TTLL11: variants seen among roughly 807,000 people sequenced by gnomAD.
TTLL11 encodes tubulin polyglutamylase TTLL11.
A neutral mutation model predicts 51.7 loss-of-function variants in TTLL11; 42 were observed. The observed-to-expected ratio is 0.81, with a 90% confidence interval of 0.64 to 1.05. The LOEUF (loss-of-function observed/expected upper bound fraction) is 1.05, where lower values mean the gene tolerates loss of function less well. Among genes scored for constraint, TTLL11 ranks in the 50% least tolerant of loss-of-function variants. The pLI, the probability that TTLL11 is intolerant of heterozygous loss-of-function variation, is 0.00. For synonymous variants in TTLL11, 381 were observed against 383.5 expected (o/e 0.99, Z 0.08); for missense variants, 799 against 940.4 (o/e 0.85, Z 1.97).
intron 6 of TTLL11, among the ~76,000 whole-genome samples, chr9:121,888,803 C>G (rs1380075475): frequency 6.6e-6 from 1 of 152,242 alleles, no homozygotes. Context: ...CACACAGTAA[C>G]AGCCGCTATG....
intron 6 of TTLL11, among the ~76,000 whole-genome samples, chr9:121,943,916 C>A (rs762834580): frequency 6.6e-6 from 1 of 152,196 alleles, no homozygotes; most frequent in Non-Finnish European, 1.5e-5. Flanking sequence ...ATGAATGATT[C>A]TATAAGACTG....
intron 6 of TTLL11, among the ~76,000 whole-genome samples, chr9:121,876,694 G>C (rs1285089608): frequency 1.3e-5 from 2 of 152,204 alleles, no homozygotes; most frequent in African/African-American, 4.8e-5. Context: ...GAACTGAGAG[G>C]GGAAGGGTGG....
intron 1 of TTLL11, among the ~76,000 whole-genome samples, chr9:122,069,221 G>A (rs1351631910): frequency 1.3e-5 from 2 of 152,288 alleles, no homozygotes; most frequent in East Asian, 3.9e-4. Flanking sequence ...AAGGGGCTGG[G>A]AATACAGAGA....
At chr9:121,879,368 C>G (rs1838688714) in intron 6 of TTLL11, among the ~76,000 whole-genome samples, 1 of 152,202 alleles carries the variant, frequency 6.6e-6, no homozygotes, top group Non-Finnish European at 1.5e-5. Flanking sequence ...GACCACCTAA[C>G]AAACCCTCCA....
At chr9:122,046,263 A>C (rs371939990) in intron 1 of TTLL11, among the ~76,000 whole-genome samples, 1 of 151,962 alleles carries the variant, frequency 6.6e-6, no homozygotes, top group African/African-American at 2.4e-5. Context: ...TGGTTGTTTA[A>C]AAGTGTGTAG....
intron 6 of TTLL11, among the ~76,000 whole-genome samples, chr9:121,887,950 C>A (rs1042233329): frequency 5.3e-5 from 8 of 152,180 alleles, no homozygotes; most frequent in African/African-American, 1.9e-4. Context: ...AGTGAGTCAG[C>A]TTCCTGGCCC....
chr9:122,093,111 C>CG lies in TTLL11; in HGVS notation c.37dup (p.Arg13ProfsTer17), dbSNP rs1846314517. 1 of 1,496,562 alleles carries CG rather than the reference C, an allele frequency of 6.7e-7. No individual in the cohort carries two copies. The highest frequency in any genetic ancestry group is 8.8e-7 in the Non-Finnish European group (1 of 1,130,230). The allele number at this position is 1,496,562 out of a possible 1,614,324, so 92.7% of individuals were successfully genotyped here. Reference sequence around the variant, plus strand: ...CGCAGCCACCGCCTCCGCCTCCCACCGGGCCGCCAGCTCGCTCTCGGAGCT... The same window carrying CG: ...CGCAGCCACCGCCTCCGCCTCCCACCGGGGCCGCCAGCTCGCTCTCGGAGCT... On this transcript the variant is annotated frameshift_variant, in exon 1 of 9. Transcript: ENST00000321582. LOFTEE classifies it high-confidence loss of function.
At chr9:121,992,649 G>A (rs1843148332) in intron 3 of TTLL11, among the ~76,000 whole-genome samples, 1 of 152,224 alleles carries the variant, frequency 6.6e-6, no homozygotes. Context: ...ACAACTGATG[G>A]TATCTCTAGT....
At chr9:122,004,930 G>A (rs2131733262) in intron 3 of TTLL11, among the ~76,000 whole-genome samples, 1 of 152,290 alleles carries the variant, frequency 6.6e-6, no homozygotes, top group South Asian at 2.1e-4. Flanking sequence ...CAAGTACAAT[G>A]CCAGAGACTG....
chr9:122,016,050 C>G (rs1843965475), intron 3 of TTLL11, among the ~76,000 whole-genome samples: 1 of 152,052 alleles, frequency 6.6e-6, no homozygotes, highest in Admixed American at 6.6e-5. Flanking sequence ...AGAAAAACAA[C>G]AAGGTGTTGT....
chr9:121,842,056 A>G (rs1184465462), intron 8 of TTLL11, among the ~76,000 whole-genome samples: 1 of 152,096 alleles, frequency 6.6e-6, no homozygotes, highest in Non-Finnish European at 1.5e-5. Context: ...GGTATATTTC[A>G]TCACATATTT....
At chr9:122,056,810 C>T (rs191643247) in intron 1 of TTLL11, among the ~76,000 whole-genome samples, 2 of 152,116 alleles carry the variant, frequency 1.3e-5, no homozygotes, top group African/African-American at 4.8e-5. Flanking sequence ...CCAACAGAAC[C>T]GCTAATGCAA....
rs1223893256 is a variant in TTLL11 at position 121,822,250 on chromosome 9, A to G, written c.*337T>C. On this transcript the variant is annotated 3_prime_UTR_variant, in exon 9 of 9. Coordinates refer to ENST00000321582, the MANE Select transcript of TTLL11 (RefSeq NM_001139442.2). The surrounding 1 kb of genome is among the most constrained non-coding windows in gnomAD (Gnocchi z 5.8). ...TCCACAGCTCCGGGCCTTGGGATCG[A>G]TTGTGTCCTGTGCCCCAAATACAAC... 1 of 168,942 alleles carries G rather than the reference A, an allele frequency of 5.9e-6. No homozygotes were observed. Among genetic ancestry groups the G allele is most frequent in the Non-Finnish European group, 1.3e-5 (1 of 79,364 alleles). 10.5% of individuals were successfully genotyped at this position (168,942 alleles called of 1,614,324 possible). A position where few individuals can be genotyped will look rare whatever the true frequency, so the allele number is the denominator to read the frequency against.
At position 121,896,744 on chromosome 9, in the gene TTLL11, C is replaced by T. The variant is rs73664707; in HGVS notation, c.1482-25996G>A. Among the ~76,000 whole-genome samples the T allele has an allele frequency of 3.3e-3, 506 of 152,270 alleles. 3 individuals are homozygous for T. The highest frequency in any genetic ancestry group is 0.012 in the African/African-American group (481 of 41,556). ...GGCGGGAGGAAGCACCTCCTTCACC[C>T]GCCGCAAGAGGAACAGGCTGTTCCA... On this transcript the variant is annotated intron_variant, in intron 6 of 8. Transcript: ENST00000321582.
intron 7 of TTLL11, among the ~76,000 whole-genome samples, chr9:121,867,046 G>T (rs542676282): frequency 1.3e-5 from 2 of 152,156 alleles, no homozygotes; most frequent in African/African-American, 4.8e-5. Context: ...ACCTCGCCTG[G>T]TTCCAATCTG....
At position 121,822,767 on chromosome 9, in the gene TTLL11, G is replaced by T. The variant is rs916885484; in HGVS notation, c.1953C>A (p.His651Gln). The change falls in exon 9 of 9, where the codon CAC becomes CAA. Residue 651 changes from histidine to glutamine, a missense_variant. His to Gln is a conservative substitution (Grantham distance 24, BLOSUM62 0). Transcript: ENST00000321582. This position sits in a 1 kb window ranked among gnomAD's most constrained non-coding sequence, Gnocchi z 5.8. ...VASLIDLCEY[H>Q]LSLLDEKRLV... ...GGCGTTTTTCATCCAGCAGGGACAG[G>T]TGGTACTCGCAAAGGTCAATCAGTG... The T allele has an allele frequency of 8.4e-6, 13 of 1,551,714 alleles. No individual in the cohort carries two copies.
intron 3 of TTLL11, among the ~76,000 whole-genome samples, chr9:121,998,445 T>A (rs1843354915): frequency 6.6e-6 from 1 of 151,948 alleles, no homozygotes; most frequent in Non-Finnish European, 1.5e-5. Context: ...CGCCACCACA[T>A]TCGGCTAATT....
chr9:121,982,820 A>C (rs191734310), intron 4 of TTLL11, among the ~76,000 whole-genome samples: 7 of 152,142 alleles, frequency 4.6e-5, no homozygotes, highest in African/African-American at 1.7e-4. Flanking sequence ...AAAGAATAGC[A>C]AAGAGTGAGC....
At chr9:121,835,314 G>T (rs2119133087) in intron 8 of TTLL11, among the ~76,000 whole-genome samples, 1 of 152,262 alleles carries the variant, frequency 6.6e-6, no homozygotes, top group East Asian at 1.9e-4. Flanking sequence ...CTGAGCTCAG[G>T]GAGACCCAAG....
Sources: allele counts gnomAD v4.1 joint callset (sites outside exome capture counted in the v4.1 genomes callset), GRCh38; gene constraint gnomAD v4.1.1; non-coding constraint Gnocchi (gnomAD v3.1); transcripts MANE v1.5; gene names NCBI Gene and HGNC (gene_info 2026-07-23, HGNC 2026-07-21).